The following ARHGAP42 variants were observed in gnomAD, a reference collection of about 807,000 sequenced individuals.
ARHGAP42 encodes rho GTPase-activating protein 42.
A neutral mutation model predicts 125.0 loss-of-function variants in ARHGAP42; 63 were observed. The observed-to-expected ratio is 0.50, with a 90% CI of 0.41 to 0.62. The LOEUF is 0.62. ARHGAP42 is among the 20% of genes least tolerant of loss of function. ARHGAP42 has a pLI of 0.00. For missense variants in ARHGAP42, 766 were observed against 1,024.2 expected, an observed-to-expected ratio of 0.75 and a Z score of 3.44; for synonymous variants, 339 against 351.0, an observed-to-expected ratio of 0.97 and a Z score of 0.38.
chr11:100,834,883 T>C (rs1348148953), intron 3 of ARHGAP42, among the ~76,000 whole-genome samples: 6 of 149,328 alleles, frequency 4.0e-5, no homozygotes, highest in Admixed American at 3.4e-4. Context: ...GTTGGATCCA[T>C]ATACAGAAGT....
At chr11:100,771,584 T>A (rs1005486772) in intron 2 of ARHGAP42, among the ~76,000 whole-genome samples, 2 of 152,132 alleles carry the variant, frequency 1.3e-5, no homozygotes, top group Non-Finnish European at 1.5e-5. Flanking sequence ...AACTTTAATG[T>A]CTGTAGGAAA....
chr11:100,990,688 C>T lies in ARHGAP42; in HGVS notation c.*1887C>T, dbSNP rs1638926911. 6.6e-6 allele frequency: 1 copy of T among 152,606 alleles called. No homozygotes were observed. The highest frequency in any genetic ancestry group is 2.1e-4 in the South Asian group (1 of 4,834). 9.5% of individuals were successfully genotyped at this position (152,606 alleles called of 1,614,324 possible). On this transcript the variant is annotated 3_prime_UTR_variant, in exon 24 of 24. Coordinates refer to ENST00000298815, the MANE Select transcript of ARHGAP42 (RefSeq NM_152432.4). ...AGTAGTAATAACAGCATTGCTGACA[C>T]CCTAATTGCCCTCTGCTGGAACAGA... is the stretch of plus-strand genomic sequence containing the variant.
chr11:100,791,284 A>C (rs190347962), intron 2 of ARHGAP42, among the ~76,000 whole-genome samples: 1 of 152,298 alleles, frequency 6.6e-6, no homozygotes, highest in East Asian at 1.9e-4. Context: ...CAGGCAGGGA[A>C]GTGACTGGAG....
intron 4 of ARHGAP42, among the ~76,000 whole-genome samples, chr11:100,904,989 T>C (rs1228474414): frequency 6.6e-6 from 1 of 152,206 alleles, no homozygotes; most frequent in Admixed American, 6.5e-5. Context: ...TACTAAAAGC[T>C]CAAGTTAATG....
intron 16 of ARHGAP42, among the ~76,000 whole-genome samples, chr11:100,964,290 G>T (rs1858033853): frequency 6.6e-6 from 1 of 152,080 alleles, no homozygotes; most frequent in Non-Finnish European, 1.5e-5. Flanking sequence ...ACTCTTTCTG[G>T]AGGATCTCTC....
At chr11:100,808,264 A>G (rs1468103685) in intron 3 of ARHGAP42, among the ~76,000 whole-genome samples, 2 of 152,230 alleles carry the variant, frequency 1.3e-5, no homozygotes, top group African/African-American at 2.4e-5. Flanking sequence ...TGATTAAACC[A>G]TAGAGTATAT....
intron 1 of ARHGAP42, among the ~76,000 whole-genome samples, chr11:100,739,914 C>G (rs1239058506): frequency 6.6e-6 from 1 of 152,134 alleles, no homozygotes; most frequent in Non-Finnish European, 1.5e-5. Context: ...CCAGCTGCAG[C>G]TTTTAAAAAT....
At chr11:100,725,075 T>A (rs1297993745) in intron 1 of ARHGAP42, among the ~76,000 whole-genome samples, 1 of 152,176 alleles carries the variant, frequency 6.6e-6, no homozygotes, top group Non-Finnish European at 1.5e-5. Context: ...GACCTGTATG[T>A]CCTTTTGAAG....
Position 100,687,563 on chromosome 11 carries a change from G to C in ARHGAP42, c.-116G>C, listed in dbSNP as rs1032289417. 7.4e-6 allele frequency: 6 copies of C among 810,642 alleles called. No individual in the cohort carries two copies. The highest frequency in any genetic ancestry group is 4.8e-4 in the Middle Eastern group (1 of 2,078). The allele number at this position is 810,642 out of a possible 1,614,324, so 50.2% of individuals were successfully genotyped here. ...TCCTCCGCGCAATCAGTCCCCTCGC[G>C]TCCCGGCGCCTTCCCCGCGATCGCG... On this transcript the variant is annotated 5_prime_UTR_variant, in exon 1 of 24. Coordinates refer to ENST00000298815, the MANE Select transcript of ARHGAP42 (RefSeq NM_152432.4).
intron 18 of ARHGAP42, among the ~76,000 whole-genome samples, chr11:100,974,254 T>G (rs1376370004): frequency 6.6e-6 from 1 of 152,218 alleles, no homozygotes; most frequent in African/African-American, 2.4e-5. Flanking sequence ...TTGAAAGATC[T>G]TCTAGATTTT....
intron 4 of ARHGAP42, among the ~76,000 whole-genome samples, chr11:100,870,168 T>G (rs948866906): frequency 6.6e-6 from 1 of 152,174 alleles, no homozygotes; most frequent in Non-Finnish European, 1.5e-5. Context: ...AGCAATGAAG[T>G]CTTCTCTGTA....
intron 1 of ARHGAP42, among the ~76,000 whole-genome samples, chr11:100,731,116 G>A (rs1861949666): frequency 6.6e-6 from 1 of 151,848 alleles, no homozygotes; most frequent in African/African-American, 2.4e-5. Flanking sequence ...AATAAGGAAT[G>A]ATGCTTTGGT....
In ARHGAP42 at chr11:100,742,304, T is replaced by C. The variant is rs1475456258; in HGVS notation, c.155-28039T>C. Among the ~76,000 whole-genome samples, 2 of 152,152 alleles carry C rather than the reference T, an allele frequency of 1.3e-5. 1 individual carries two copies. The highest frequency in any genetic ancestry group is 2.9e-5 in the Non-Finnish European group (2 of 68,028). ...CTTCATTTCCTTGGAAAGTTTGAAA[T>C]AGGGAGATGATGCTGGGGTTGAAGT... On this transcript the variant is annotated intron_variant, in intron 1 of 23. Transcript: ENST00000298815.
intron 1 of ARHGAP42, among the ~76,000 whole-genome samples, chr11:100,744,595 TG>T (rs1862259107): frequency 6.6e-6 from 1 of 152,030 alleles, no homozygotes. Context: ...GTTTCTTTTT[TG>T]CTCCTTAAGG....
At chr11:100,974,639 A>C (rs780438508) in intron 19 of ARHGAP42, 36 bp downstream of exon 19, 1 of 1,525,382 alleles carries the variant, frequency 6.6e-7, no homozygotes, top group Non-Finnish European at 8.8e-7. Flanking sequence ...TGCTTTCTTC[A>C]TTCTTTGGTT....
intron 17 of ARHGAP42, among the ~76,000 whole-genome samples, 154 bp from the exon 18 acceptor site, chr11:100,973,021 A>T (rs1448140765): frequency 6.6e-6 from 1 of 152,198 alleles, no homozygotes; most frequent in Admixed American, 6.5e-5. Flanking sequence ...TTTTTAGGCC[A>T]TACTCCAAAT....
intron 4 of ARHGAP42, among the ~76,000 whole-genome samples, chr11:100,863,656 C>T (rs976373497): frequency 6.6e-6 from 1 of 152,136 alleles, no homozygotes; most frequent in African/African-American, 2.4e-5. Flanking sequence ...GAAATGGGTT[C>T]TGCTGTTTCA....
In ARHGAP42 at chr11:100,989,264, C is replaced by A. The variant is rs1858769147; in HGVS notation, c.*463C>A. 1 of 395,844 alleles carries A rather than the reference C, an allele frequency of 2.5e-6. No individual in the cohort carries two copies. 24.5% of individuals were successfully genotyped at this position (395,844 alleles called of 1,614,324 possible). A position where few individuals can be genotyped will look rare whatever the true frequency, so the allele number is the denominator to read the frequency against. On this transcript the variant is annotated 3_prime_UTR_variant, in exon 24 of 24. Coordinates refer to ENST00000298815, the MANE Select transcript of ARHGAP42 (RefSeq NM_152432.4). Reference sequence around the variant, plus strand: ...TTGTTTTTTTTTTCTTAGAAATATACTGCTTTTATATATGATTGTTTTGCT... The same window carrying A: ...TTGTTTTTTTTTTCTTAGAAATATAATGCTTTTATATATGATTGTTTTGCT...
At chr11:100,903,709 A>AAAAAAAAAATATAT (rs1332890022) in intron 4 of ARHGAP42, among the ~76,000 whole-genome samples, 27 of 63,494 alleles carry the variant, frequency 4.3e-4, no homozygotes, top group African/African-American at 6.8e-4. Flanking sequence ...TGTCCCTCAA[A>AAAAAAAAAATATAT]ATATATATAT....
Sources: allele counts gnomAD v4.1 joint callset (sites outside exome capture counted in the v4.1 genomes callset), GRCh38; gene constraint gnomAD v4.1.1; transcripts MANE v1.5; gene names NCBI Gene and HGNC (gene_info 2026-07-23, HGNC 2026-07-21).